The following IL25 variants were observed in gnomAD, a reference collection of about 807,000 sequenced individuals.
IL25 encodes the protein interleukin-25.
In IL25, 10 loss-of-function variants were observed where a neutral mutation model predicts 13.2. The ratio of observed to expected loss-of-function variants is 0.76; its 90% CI spans 0.47 to 1.29. The LOEUF (loss-of-function observed/expected upper bound fraction) is 1.29. Ranked by LOEUF, IL25 falls within the 50% of genes most tolerant of loss-of-function variation. The pLI is 0.00. For missense variants in IL25, 235 were observed against 232.4 expected, an observed-to-expected ratio of 1.01 and a Z score of -0.07; for synonymous variants, 107 against 92.1, an observed-to-expected ratio of 1.16 and a Z score of -0.93.
At chr14:23,375,523 G>T (rs1415934940) in intron 1 of IL25, 102 bp from the exon 3 acceptor site, 90 of 1,404,514 alleles carry the variant, frequency 6.4e-5, no homozygotes, top group Non-Finnish European at 8.4e-5. Context: ...AAGAGGCCAA[G>T]GCCCCAGACG....
chr14:23,373,922 C>T (rs184426649), intron 1 of IL25, among the ~76,000 whole-genome samples: 1 of 152,294 alleles, frequency 6.6e-6, no homozygotes, highest in African/African-American at 2.4e-5. Context: ...TGATCATGAT[C>T]ATGGGTACTG....
At chr14:23,375,235 G>A (rs746167993) in intron 1 of IL25, among the ~76,000 whole-genome samples, 4 of 152,038 alleles carry the variant, frequency 2.6e-5, no homozygotes, top group South Asian at 2.1e-4. Flanking sequence ...TGGGTACTCC[G>A]TCTCAAAAAA....
intron 1 of IL25, among the ~76,000 whole-genome samples, chr14:23,373,956 A>G (rs555605344): frequency 6.6e-6 from 1 of 152,366 alleles, no homozygotes; most frequent in East Asian, 1.9e-4. Flanking sequence ...AGTGTGCCAC[A>G]TAAATATTAT....
exon 2 of IL25, chr14:23,375,960 C>T: frequency 6.4e-7 from 1 of 1,551,302 alleles, no homozygotes; most frequent in Admixed American, 1.8e-5. Flanking sequence ...GGCCAGGATG[C>T]CCAGATGCTT....
chr14:23,375,688 C>G (rs945829062), exon 2 of IL25: 3 of 1,614,234 alleles, frequency 1.9e-6, no homozygotes, highest in Non-Finnish European at 2.5e-6. Context: ...TGTGCCCGCA[C>G]TGCGTCAGCC....
rs1890525900 is a variant in IL25 at position 23,375,613 on chromosome 14, C to T, written c.279-12C>T. The T allele has an allele frequency of 7.5e-6, 12 of 1,609,380 alleles. No homozygotes were observed. Among genetic ancestry groups the T allele is most frequent in the Middle Eastern group, 1.7e-4 (1 of 5,746 alleles). ...CCATCTTTCCAAGGCCTGACAAGTG[C>T]CGCCCCCACAGGTTGGACAGAGACT... On this transcript the variant is annotated splice_polypyrimidine_tract_variant and intron_variant, in intron 1 of 1. Transcript: ENST00000329715.
At chr14:23,375,840 C>T (rs369895955) in exon 2 of IL25, 7 of 1,614,120 alleles carry the variant, frequency 4.3e-6, no homozygotes, top group Non-Finnish European at 5.9e-6. Context: ...TACCGTGTTT[C>T]CTTAGCTTGT....
rs1890462882 is a variant in IL25, at chr14:23,373,309, CT to C, written c.192del (p.Ala65LeufsTer34). 6.2e-7 allele frequency: 1 copy of C among 1,614,026 alleles called. No homozygotes were observed. The highest frequency in any genetic ancestry group is 1.3e-5 in the African/African-American group (1 of 74,914). On this transcript the variant is annotated frameshift_variant, in exon 1 of 2. Transcript: ENST00000329715. LOFTEE classifies it high-confidence loss of function. ...ACTGTGCCTGTGCCTCCCCTAGAGC[CT>C]GCTAGGCCCAACCGCCACCCAGAGT...
At chr14:23,373,607 T>C (rs541595486) in intron 1 of IL25, among the ~76,000 whole-genome samples, 3 of 152,288 alleles carry the variant, frequency 2.0e-5, no homozygotes, top group African/African-American at 7.2e-5. Flanking sequence ...CAGGGTTTTT[T>C]TTTTTTTCAC....
At chr14:23,374,506 C>T (rs1431790363) in intron 1 of IL25, among the ~76,000 whole-genome samples, 3 of 152,190 alleles carry the variant, frequency 2.0e-5, no homozygotes, top group Admixed American at 6.5e-5. Context: ...GAAAGTAAAC[C>T]GTTAAACTGG....
Position 23,373,210 on chromosome 14 carries a change from A to C in IL25, c.92A>C (p.His31Pro), listed in dbSNP as rs1566496988. 1.2e-6 allele frequency: 2 copies of C among 1,614,226 alleles called. No homozygotes were observed. The highest frequency in any genetic ancestry group is 1.7e-6 in the Non-Finnish European group (2 of 1,180,024). Reference sequence around the variant, plus strand: ...TTCTTGGCAATGGTCATGGGAACCCACACCTACAGCCACTGGCCCAGCTGC... The same window carrying C: ...TTCTTGGCAATGGTCATGGGAACCCCCACCTACAGCCACTGGCCCAGCTGC... The change falls in exon 1 of 2, where the codon CAC becomes CCC. Residue 31 changes from histidine to proline, a missense_variant. Physicochemically the swap from His to Pro is moderately conservative, Grantham distance 77. Transcript: ENST00000329715.
intron 1 of IL25, 32 bp downstream of exon 2, chr14:23,373,428 C>A: frequency 6.3e-7 from 1 of 1,578,924 alleles, no homozygotes; most frequent in South Asian, 1.1e-5. Flanking sequence ...AATGCCTGCC[C>A]TGTGTGTGCT....
exon 1 of IL25, chr14:23,372,911 T>C (rs1890452063): frequency 1.3e-6 from 2 of 1,569,594 alleles, no homozygotes; most frequent in Admixed American, 3.4e-5. Context: ...GTCAGCCTGC[T>C]TCCACGAGGC....
At chr14:23,373,106 G>T (rs774451003) in exon 1 of IL25, 2 of 1,613,852 alleles carry the variant, frequency 1.2e-6, no homozygotes, top group South Asian at 1.1e-5. Context: ...GGGATCCCAG[G>T]GGGAGGGTGC....
exon 2 of IL25, chr14:23,375,993 G>C: frequency 3.6e-6 from 5 of 1,384,122 alleles, no homozygotes; most frequent in Non-Finnish European, 4.0e-6. Flanking sequence ...GTGCTGTCTG[G>C]AGCAGCAGGA....
At chr14:23,373,559 C>T (rs1365921363) in intron 1 of IL25, among the ~76,000 whole-genome samples, 163 bp downstream of exon 2, 1 of 150,982 alleles carries the variant, frequency 6.6e-6, no homozygotes, top group Admixed American at 6.6e-5. Flanking sequence ...CTCTGACTCT[C>T]ATTGGATGAT....
At chr14:23,375,749 C>G in exon 2 of IL25, 1 of 1,614,220 alleles carries the variant, frequency 6.2e-7, no homozygotes, top group East Asian at 2.2e-5. Flanking sequence ...GCTGCTCTAC[C>G]ACAACCAGAC....
At chr14:23,373,539 T>G (rs1890469974) in intron 1 of IL25, 143 bp downstream of exon 2, 1 of 691,228 alleles carries the variant, frequency 1.4e-6, no homozygotes, top group African/African-American at 1.8e-5. Flanking sequence ...GGTCTGTATT[T>G]GAGTCCTAGC....
exon 1 of IL25, chr14:23,373,259 C>T (rs1566497043): frequency 6.2e-7 from 1 of 1,614,094 alleles, no homozygotes; most frequent in Non-Finnish European, 8.5e-7. Context: ...GGCAGGACAC[C>T]TCTGAGGAGC....
Sources: gnomAD v4.1 joint callset for allele counts (sites outside exome capture counted in the v4.1 genomes callset) on GRCh38, gnomAD v4.1.1 for gene constraint, MANE v1.5 for transcripts, NCBI Gene and HGNC (gene_info 2026-07-23, HGNC 2026-07-21) for gene names.